FTO: variants seen among roughly 807,000 people sequenced by gnomAD.
FTO encodes the protein FTO alpha-ketoglutarate dependent dioxygenase.
Under a neutral mutation model 63.9 loss-of-function variants are expected in FTO, and 47 were observed. The ratio of observed to expected loss-of-function variants is 0.74; its 90% CI spans 0.58 to 0.94. The LOEUF (loss-of-function observed/expected upper bound fraction) is 0.94. Ranked by LOEUF, FTO falls within the 40% of genes least tolerant of loss-of-function variation. The probability of loss-of-function intolerance (pLI) is 0.00; values close to 1 mark genes in which losing one functional copy is unlikely to be tolerated. For synonymous variants in FTO, 207 were observed against 224.4 expected, an observed-to-expected ratio of 0.92 and a Z score of 0.69; for missense variants, 562 against 618.1, an observed-to-expected ratio of 0.91 and a Z score of 0.96.
At chr16:53,722,098 A>C (rs2076053595) in intron 1 of FTO, among the ~76,000 whole-genome samples, 1 of 152,166 alleles carries the variant, frequency 6.6e-6, no homozygotes, top group African/African-American at 2.4e-5. Context: ...CTCTTTCATG[A>C]AGCGTTTGAG....
At chr16:53,904,343 G>A (rs2081481734) in intron 7 of FTO, among the ~76,000 whole-genome samples, 1 of 152,198 alleles carries the variant, frequency 6.6e-6, no homozygotes, top group African/African-American at 2.4e-5. Flanking sequence ...TGAGGTGGGA[G>A]CAACTGTTCT....
intron 8 of FTO, chr16:54,039,365 A>G (rs2144265214): frequency 6.6e-6 from 1 of 152,368 alleles, no homozygotes; most frequent in South Asian, 2.1e-4. Flanking sequence ...GAGGGGTGGA[A>G]GAAGGAGGCC....
intron 5 of FTO, among the ~76,000 whole-genome samples, chr16:53,878,066 A>AG (rs533914453): frequency 1.2e-4 from 19 of 152,270 alleles, no homozygotes; most frequent in Admixed American, 2.0e-4. Flanking sequence ...TGGGAGGCTG[A>AG]GGGGGGTGGA....
At chr16:53,732,776 C>T (rs2076303827) in intron 1 of FTO, among the ~76,000 whole-genome samples, 1 of 152,098 alleles carries the variant, frequency 6.6e-6, no homozygotes, top group Non-Finnish European at 1.5e-5. Context: ...TCTGTTTACC[C>T]ATGGAAATGT....
chr16:53,800,385 T>G (rs2078188134), intron 1 of FTO, among the ~76,000 whole-genome samples: 1 of 152,240 alleles, frequency 6.6e-6, no homozygotes, highest in Non-Finnish European at 1.5e-5. Flanking sequence ...TCAATCCTTA[T>G]AAATGTATTG....
chr16:53,708,156 C>A (rs1440402234), intron 1 of FTO, among the ~76,000 whole-genome samples: 1 of 152,080 alleles, frequency 6.6e-6, no homozygotes, highest in East Asian at 1.9e-4. Context: ...GTCAGGATAA[C>A]TTAGATCAAG....
intron 8 of FTO, among the ~76,000 whole-genome samples, chr16:54,023,509 A>G (rs1260852661): frequency 2.6e-5 from 4 of 152,212 alleles, no homozygotes; most frequent in Admixed American, 2.6e-4. Context: ...CCATGAGTGG[A>G]TGACCTGGAG....
intron 7 of FTO, among the ~76,000 whole-genome samples, chr16:53,925,964 C>G (rs1210554231): frequency 1.3e-5 from 2 of 152,186 alleles, no homozygotes; most frequent in Non-Finnish European, 2.9e-5. Context: ...CTCTGTCTCT[C>G]TCTGGCTGTG....
At chr16:53,963,945 G>A (rs1258439440) in intron 8 of FTO, among the ~76,000 whole-genome samples, 1 of 152,114 alleles carries the variant, frequency 6.6e-6, no homozygotes, top group African/African-American at 2.4e-5. Flanking sequence ...TAGAGACAGG[G>A]TTTCACCATG....
At chr16:53,844,445 G>A (rs1317768372) in intron 4 of FTO, 147 bp downstream of exon 4, 2 of 700,274 alleles carry the variant, frequency 2.9e-6, no homozygotes, top group East Asian at 2.8e-5. Context: ...ATGTAACTAG[G>A]TTTTTCTTTT....
intron 4 of FTO, among the ~76,000 whole-genome samples, chr16:53,852,056 G>T (rs1048582937): frequency 6.9e-5 from 10 of 144,144 alleles, no homozygotes; most frequent in Non-Finnish European, 1.0e-4. Context: ...GGAAGTTTGA[G>T]TCCAGCCTGG....
At chr16:53,852,205 G>A (rs560076450) in intron 4 of FTO, among the ~76,000 whole-genome samples, 2 of 151,756 alleles carry the variant, frequency 1.3e-5, no homozygotes, top group Non-Finnish European at 2.9e-5. Context: ...GAGCTCGGGA[G>A]GTTGAGCCTA....
chr16:53,979,735 A>C (rs754036750), intron 8 of FTO, among the ~76,000 whole-genome samples: 1 of 152,212 alleles, frequency 6.6e-6, no homozygotes, highest in Non-Finnish European at 1.5e-5. Flanking sequence ...GGTCAAAAAG[A>C]GACCAAAGTC....
chr16:54,038,314 G>A (rs1422847978), intron 8 of FTO, among the ~76,000 whole-genome samples: 1 of 152,192 alleles, frequency 6.6e-6, no homozygotes, highest in Non-Finnish European at 1.5e-5. Context: ...AGCATAGAAC[G>A]TTTCCAGTGT....
intron 8 of FTO, among the ~76,000 whole-genome samples, chr16:53,964,469 A>G (rs2083152626): frequency 1.3e-5 from 2 of 152,208 alleles, no homozygotes; most frequent in Admixed American, 1.3e-4. Context: ...TTTGTTGTTC[A>G]TGTAAATTGC....
chr16:54,004,927 G>A (rs189540123), intron 8 of FTO, among the ~76,000 whole-genome samples: 4 of 151,936 alleles, frequency 2.6e-5, no homozygotes, highest in African/African-American at 4.8e-5. Flanking sequence ...AAAATTAGCC[G>A]GGCATGGTGG....
chr16:54,055,140 A>G lies in FTO; in HGVS notation c.1365-56622A>G, dbSNP rs542650962. The stretch of plus-strand genomic sequence containing the variant: ...TAGGATTAAGTGGGCGACAGGGCCC[A>G]GGTTTGATTCAGCCCTGCTTGCAAT... On this transcript the variant is annotated intron_variant, in intron 8 of 8. Coordinates refer to ENST00000471389, the MANE Select transcript of FTO (RefSeq NM_001080432.3). Among the ~76,000 whole-genome samples the G allele has an allele frequency of 2.6e-4, 39 of 152,336 alleles. No individual in the cohort carries two copies. The South Asian group carries it at 4.8e-3, about 19-fold the overall frequency.
intron 7 of FTO, among the ~76,000 whole-genome samples, chr16:53,908,271 A>G (rs941511302): frequency 1.3e-5 from 2 of 152,208 alleles, no homozygotes; most frequent in Non-Finnish European, 2.9e-5. Flanking sequence ...ATGTCCAACC[A>G]TTGCATGCAA....
At chr16:53,845,703 G>T (rs975328558) in intron 4 of FTO, among the ~76,000 whole-genome samples, 3 of 152,130 alleles carry the variant, frequency 2.0e-5, no homozygotes, top group Non-Finnish European at 4.4e-5. Flanking sequence ...TTTGTTTGCC[G>T]GAGATCCTGA....
Sources: gnomAD v4.1 joint callset for allele counts (sites outside exome capture counted in the v4.1 genomes callset) on GRCh38, gnomAD v4.1.1 for gene constraint, MANE v1.5 for transcripts, NCBI Gene and HGNC (gene_info 2026-07-23, HGNC 2026-07-21) for gene names.